Variants in GABRA5 observed in about 807,000 individuals in gnomAD.
GABRA5 encodes gamma-aminobutyric acid type A receptor subunit alpha5, also known as gamma-aminobutyric acid receptor subunit alpha-5.
A neutral mutation model predicts 47.3 loss-of-function variants in GABRA5; 18 were observed. The ratio of observed to expected loss-of-function variants is 0.38; its 90% CI spans 0.26 to 0.56. The LOEUF is 0.56. Ranked by LOEUF, GABRA5 falls within the 20% of genes least tolerant of loss-of-function variation. GABRA5 has a pLI of 0.71. For synonymous variants in GABRA5, 237 were observed against 229.3 expected, an observed-to-expected ratio of 1.03 and a Z score of -0.30; for missense variants, 365 against 599.3, an observed-to-expected ratio of 0.61 and a Z score of 4.08.
chr15:26,934,917 T>C (rs1354677893), intron 7 of GABRA5, among the ~76,000 whole-genome samples: 1 of 152,202 alleles, frequency 6.6e-6, no homozygotes, highest in Non-Finnish European at 1.5e-5. Context: ...CCAAGCCCGA[T>C]GCGAGTGAAA....
intron 7 of GABRA5, among the ~76,000 whole-genome samples, chr15:26,919,118 A>G (rs1173755476): frequency 1.3e-5 from 2 of 151,424 alleles, no homozygotes; most frequent in African/African-American, 2.4e-5. Context: ...ACTCCAGCCT[A>G]GGCAATAGTG....
rs574422074 is a variant in GABRA5 at position 26,897,131 on chromosome 15, C to T, written c.497+13574C>T. ...ACTGCCATTATAGAGAATACATGAG[C>T]GTGAATTTTAACCAGCCAAAGCAGC... On this transcript the variant is annotated intron_variant, in intron 6 of 10. Coordinates refer to ENST00000335625, the MANE Select transcript of GABRA5 (RefSeq NM_000810.4). Among the ~76,000 whole-genome samples the T allele has an allele frequency of 2.4e-4, 36 of 152,118 alleles. 1 individual carries two copies. Among genetic ancestry groups the T allele is most frequent in the African/African-American group, 8.4e-4 (35 of 41,502 alleles).
intron 6 of GABRA5, among the ~76,000 whole-genome samples, chr15:26,905,097 T>A (rs1893412716): frequency 6.6e-6 from 1 of 152,298 alleles, no homozygotes; most frequent in East Asian, 1.9e-4. Context: ...TGTGGATTTG[T>A]CATAGATGGC....
chr15:26,924,838 G>A lies in GABRA5; in HGVS notation c.580+9953G>A, dbSNP rs192080408. On this transcript the variant is annotated intron_variant, in intron 7 of 10. Transcript: ENST00000335625. ...CATCAGTTTTTGTCTGTTTGTGCCC[G>A]TTGGTGTTTCCAAGTTGCCAGCTTC... Among the ~76,000 whole-genome samples the A allele has an allele frequency of 7.6e-4, 116 of 152,212 alleles. 2 individuals carry two copies. Among genetic ancestry groups the A allele is most frequent in the Admixed American group, 7.5e-3 (114 of 15,274 alleles).
At chr15:26,904,907 G>A (rs967445171) in intron 6 of GABRA5, among the ~76,000 whole-genome samples, 3 of 152,044 alleles carry the variant, frequency 2.0e-5, no homozygotes, top group African/African-American at 7.2e-5. Context: ...CTGCAAACAG[G>A]GATAGTTTGA....
chr15:26,913,670 C>A (rs972211771), intron 6 of GABRA5, among the ~76,000 whole-genome samples: 3 of 152,008 alleles, frequency 2.0e-5, no homozygotes, highest in Non-Finnish European at 4.4e-5. Context: ...TATGTAATTT[C>A]ATTTATTTTA....
chr15:26,911,380 CACACACACACACACACAA>C (rs1217108172), intron 6 of GABRA5, among the ~76,000 whole-genome samples: 15 of 144,768 alleles, frequency 1.0e-4, no homozygotes, highest in African/African-American at 3.5e-4. Flanking sequence ...TGCACACACA[CACACACACACACACACAA>C]ACACACACAC....
At chr15:26,895,826 A>AAAAAAAAAAGAAG (rs1458730535) in intron 6 of GABRA5, among the ~76,000 whole-genome samples, 1,696 of 135,694 alleles carry the variant, frequency 0.012, 54 homozygotes, top group African/African-American at 0.046. Flanking sequence ...AAAAAAAAAA[A>AAAAAAAAAAGAAG]AAGAAGAAGA....
At chr15:26,870,968 C>A (rs774712205) in intron 3 of GABRA5, among the ~76,000 whole-genome samples, 1 of 152,128 alleles carries the variant, frequency 6.6e-6, no homozygotes, top group Non-Finnish European at 1.5e-5. Flanking sequence ...AAGCGGGGGG[C>A]GGATCGCCTG....
At chr15:26,929,307 A>G (rs1243957068) in intron 7 of GABRA5, among the ~76,000 whole-genome samples, 1 of 152,226 alleles carries the variant, frequency 6.6e-6, no homozygotes, top group South Asian at 2.1e-4. Flanking sequence ...AGTGAGAAGG[A>G]AGAAGGGAGT....
intron 8 of GABRA5, among the ~76,000 whole-genome samples, chr15:26,938,652 AC>A (rs1192608799): frequency 6.6e-6 from 1 of 152,214 alleles, no homozygotes. Flanking sequence ...AGTCCTTGCT[AC>A]CAACATACCC....
chr15:26,937,566 C>T (rs1197184055), intron 8 of GABRA5, among the ~76,000 whole-genome samples: 5 of 152,162 alleles, frequency 3.3e-5, no homozygotes, highest in African/African-American at 7.2e-5. Flanking sequence ...CAGCTGTGGC[C>T]GGGGGTTGCG....
chr15:26,939,061 T>C (rs1164319258), intron 8 of GABRA5, among the ~76,000 whole-genome samples: 1 of 152,132 alleles, frequency 6.6e-6, no homozygotes, highest in Admixed American at 6.5e-5. Flanking sequence ...GCATCCCAGC[T>C]CTCTGGCCAT....
chr15:26,890,845 A>G (rs1271480983), intron 6 of GABRA5, among the ~76,000 whole-genome samples: 4 of 152,158 alleles, frequency 2.6e-5, no homozygotes, highest in Non-Finnish European at 5.9e-5. Flanking sequence ...ACCATAATGG[A>G]ATGTATGAGA....
At chr15:26,886,225 G>A (rs1461080158) in intron 6 of GABRA5, among the ~76,000 whole-genome samples, 1 of 152,040 alleles carries the variant, frequency 6.6e-6, no homozygotes, top group East Asian at 1.9e-4. Flanking sequence ...TCACTACATT[G>A]GCCAGGCTGG....
chr15:26,921,648 T>C (rs8027657), intron 7 of GABRA5, among the ~76,000 whole-genome samples: 73,021 of 151,794 alleles, frequency 0.48, 18,107 homozygotes, highest in Middle Eastern at 0.62. Context: ...GCATTTAGTT[T>C]GCATTTCTTT....
intron 7 of GABRA5, among the ~76,000 whole-genome samples, chr15:26,920,873 A>T (rs922730503): frequency 6.6e-6 from 1 of 152,152 alleles, no homozygotes; most frequent in African/African-American, 2.4e-5. Context: ...CAAGACTGAA[A>T]TCGGTTCCTC....
intron 6 of GABRA5, among the ~76,000 whole-genome samples, chr15:26,891,623 C>T (rs1199903380): frequency 6.6e-6 from 1 of 152,168 alleles, no homozygotes; most frequent in African/African-American, 2.4e-5. Flanking sequence ...CACCGAAGCA[C>T]GTTTAGGGAA....
intron 4 of GABRA5, among the ~76,000 whole-genome samples, 176 bp downstream of exon 4, chr15:26,881,143 A>G (rs2140253024): frequency 6.6e-6 from 1 of 152,088 alleles, no homozygotes; most frequent in East Asian, 1.9e-4. Flanking sequence ...TATTGTCTAG[A>G]CGCAAGATCC....
Sources: gnomAD v4.1 joint callset for allele counts (sites outside exome capture counted in the v4.1 genomes callset) on GRCh38, gnomAD v4.1.1 for gene constraint, MANE v1.5 for transcripts, NCBI Gene and HGNC (gene_info 2026-07-23, HGNC 2026-07-21) for gene names.